Variants in NRXN3 observed in about 807,000 individuals in gnomAD.
NRXN3 encodes neurexin III.
A neutral mutation model predicts 137.6 loss-of-function variants in NRXN3; 32 were observed. The observed-to-expected ratio is 0.23, with a 90% CI of 0.18 to 0.31. The LOEUF (loss-of-function observed/expected upper bound fraction) is 0.31, where lower values mean the gene tolerates loss of function less well. Ranked by LOEUF, NRXN3 falls within the 10% of genes least tolerant of loss-of-function variation. NRXN3 has a pLI of 1.00. For missense variants in NRXN3, 1,574 were observed against 2,062.5 expected (o/e 0.76, Z 4.59); for synonymous variants, 798 against 784.5 (o/e 1.02, Z -0.29).
At chr14:78,658,940 C>T (rs973474291) in intron 6 of NRXN3, among the ~76,000 whole-genome samples, 10 of 152,116 alleles carry the variant, frequency 6.6e-5, no homozygotes, top group African/African-American at 2.4e-4. Flanking sequence ...AAGAAGAAAA[C>T]AAAAAGCAAT....
intron 15 of NRXN3, among the ~76,000 whole-genome samples, chr14:79,232,684 C>G (rs1344191243): frequency 6.6e-6 from 1 of 152,080 alleles, no homozygotes; most frequent in Non-Finnish European, 1.5e-5. Flanking sequence ...CAATATACTA[C>G]ATGTGTGTGA....
chr14:78,459,326 G>A (rs1161611951), intron 4 of NRXN3, among the ~76,000 whole-genome samples: 1 of 152,194 alleles, frequency 6.6e-6, no homozygotes, highest in Non-Finnish European at 1.5e-5. Context: ...GGCCTGCCTG[G>A]CTGTCTATCT....
Position 78,179,834 on chromosome 14 carries a change from G to GTT in NRXN3, c.-704+9166_-704+9167dup, listed in dbSNP as rs1325344906. Among the ~76,000 whole-genome samples, 604 of 111,300 alleles carry GTT rather than the reference G, an allele frequency of 5.4e-3. 8 individuals are homozygous for GTT. Among genetic ancestry groups the GTT allele is most frequent in the African/African-American group, 0.018 (494 of 28,190 alleles). The allele number at this position is 111,300 out of a possible 152,430, so 73.0% of individuals were successfully genotyped here. ...TGTTTTTTTTTTTTTGTTTGTTTCT[G>GTT]TTTTTTTGTTTTTTTTTTTTTCTTG... On this transcript the variant is annotated intron_variant, in intron 1 of 20. Coordinates refer to ENST00000335750, the MANE Select transcript of NRXN3 (RefSeq NM_001330195.2).
chr14:79,499,284 A>G (rs2096796944), intron 16 of NRXN3, among the ~76,000 whole-genome samples: 2 of 152,136 alleles, frequency 1.3e-5, no homozygotes, highest in African/African-American at 4.8e-5. Flanking sequence ...CTGTTTGTCA[A>G]ACATGCCTGG....
At chr14:78,511,426 A>G (rs931918923) in intron 4 of NRXN3, among the ~76,000 whole-genome samples, 3 of 152,148 alleles carry the variant, frequency 2.0e-5, no homozygotes, top group Non-Finnish European at 4.4e-5. Context: ...TGGCTTAACA[A>G]AAAAAGGTGT....
intron 4 of NRXN3, among the ~76,000 whole-genome samples, chr14:78,343,167 G>C (rs1388389285): frequency 1.3e-5 from 2 of 152,030 alleles, no homozygotes; most frequent in African/African-American, 4.8e-5. Context: ...AAGAGCTTGG[G>C]GTCTTAAATC....
chr14:79,275,867 T>TG lies in NRXN3; in HGVS notation c.3263-191348dup, dbSNP rs200396877. Among the ~76,000 whole-genome samples the TG allele has an allele frequency of 3.3e-3, 499 of 152,176 alleles. 18 individuals are homozygous for TG. The East Asian group carries it at 0.064, about 19-fold the overall frequency. On this transcript the variant is annotated intron_variant, in intron 15 of 20. Coordinates refer to ENST00000335750, the MANE Select transcript of NRXN3 (RefSeq NM_001330195.2). ...TCCAAAGAGTATGGTTAGGATTCCG[T>TG]GGGGGGTTTATTCAAGTGGAGCTAA... is the stretch of plus-strand genomic sequence containing the variant.
At chr14:79,384,563 T>A (rs1258485171) in intron 15 of NRXN3, among the ~76,000 whole-genome samples, 1 of 152,172 alleles carries the variant, frequency 6.6e-6, no homozygotes, top group Non-Finnish European at 1.5e-5. Flanking sequence ...TCAAAAGACA[T>A]TCACAGATTA....
At chr14:79,274,425 T>C (rs781436300) in intron 15 of NRXN3, among the ~76,000 whole-genome samples, 4 of 152,246 alleles carry the variant, frequency 2.6e-5, no homozygotes, top group Admixed American at 6.5e-5. Flanking sequence ...CATATTATGA[T>C]AACTCATTTT....
At chr14:79,789,429 A>G (rs72698409) in intron 19 of NRXN3, among the ~76,000 whole-genome samples, 14,720 of 152,174 alleles carry the variant, frequency 0.097, 1,097 homozygotes, top group East Asian at 0.36. Context: ...GAAAGAATTC[A>G]GGGTGAGTTC....
chr14:79,743,139 T>A (rs186465239), intron 19 of NRXN3, among the ~76,000 whole-genome samples: 2 of 152,300 alleles, frequency 1.3e-5, no homozygotes, highest in East Asian at 3.9e-4. Flanking sequence ...TTTTATTTAC[T>A]TTTGTATGTT....
intron 19 of NRXN3, among the ~76,000 whole-genome samples, chr14:79,749,695 C>T (rs2098991132): frequency 1.3e-5 from 2 of 152,134 alleles, no homozygotes; most frequent in African/African-American, 4.8e-5. Flanking sequence ...GCCTTTGTCA[C>T]CCCTCACCAC....
intron 4 of NRXN3, among the ~76,000 whole-genome samples, chr14:78,480,195 G>A (rs1439317628): frequency 1.3e-5 from 2 of 152,094 alleles, no homozygotes; most frequent in African/African-American, 2.4e-5. Flanking sequence ...GCTTCGTCAT[G>A]GGGCTTATAT....
intron 4 of NRXN3, among the ~76,000 whole-genome samples, chr14:78,347,887 A>G (rs1191752371): frequency 6.6e-6 from 1 of 152,170 alleles, no homozygotes; most frequent in South Asian, 2.1e-4. Context: ...AAGAAGTGAG[A>G]GAAGGGAAAT....
At chr14:79,028,096 C>T (rs143129672) in intron 15 of NRXN3, among the ~76,000 whole-genome samples, 21 of 152,134 alleles carry the variant, frequency 1.4e-4, no homozygotes, top group East Asian at 7.7e-4. Flanking sequence ...GTAACATGTA[C>T]GAAGGATCCA....
intron 16 of NRXN3, chr14:79,570,502 A>G (rs2097589138): frequency 6.6e-6 from 1 of 152,166 alleles, no homozygotes; most frequent in Non-Finnish European, 1.5e-5. Flanking sequence ...GAATATTCTC[A>G]CAGGCCTCGT....
At chr14:79,145,541 A>G (rs1210440952) in intron 15 of NRXN3, among the ~76,000 whole-genome samples, 2 of 152,156 alleles carry the variant, frequency 1.3e-5, no homozygotes, top group Non-Finnish European at 2.9e-5. Flanking sequence ...GCCTACACAG[A>G]TACATTTATA....
At chr14:78,762,509 T>A (rs2098695871) in intron 8 of NRXN3, among the ~76,000 whole-genome samples, 1 of 152,146 alleles carries the variant, frequency 6.6e-6, no homozygotes, top group Admixed American at 6.5e-5. Flanking sequence ...GACTGTATAT[T>A]TTTGTAAGAA....
rs190408304 is a variant in NRXN3 at position 78,722,841 on chromosome 14, G to A, written c.2044+7702G>A. ...TGGTATCTGAGCAATTGGGACATGA[G>A]TGTGGGGAGAAATATCATGGAAGGC... On this transcript the variant is annotated intron_variant, in intron 8 of 20. Coordinates refer to ENST00000335750, the MANE Select transcript of NRXN3 (RefSeq NM_001330195.2). Among the ~76,000 whole-genome samples the A allele has an allele frequency of 1.4e-3, 220 of 152,298 alleles. 1 individual carries two copies. The highest frequency in any genetic ancestry group is 5.1e-3 in the African/African-American group (211 of 41,566).
Sources: allele counts gnomAD v4.1 joint callset (sites outside exome capture counted in the v4.1 genomes callset), GRCh38; gene constraint gnomAD v4.1.1; transcripts MANE v1.5; gene names NCBI Gene and HGNC (gene_info 2026-07-23, HGNC 2026-07-21).